Variants in CCSER1 observed in about 807,000 individuals in gnomAD.
CCSER1 encodes coiled-coil serine rich protein 1, also known as serine-rich coiled-coil domain-containing protein 1.
A neutral mutation model predicts 82.0 loss-of-function variants in CCSER1; 41 were observed. The ratio of observed to expected loss-of-function variants is 0.50; its 90% CI spans 0.39 to 0.65. The LOEUF (loss-of-function observed/expected upper bound fraction) is 0.65, where lower values mean the gene tolerates loss of function less well. Among genes scored for constraint, CCSER1 ranks in the 30% least tolerant of loss-of-function variants. The pLI is 0.00. For missense variants in CCSER1, 1,119 were observed against 1,064.2 expected, an observed-to-expected ratio of 1.05 and a Z score of -0.72; for synonymous variants, 414 against 383.9, an observed-to-expected ratio of 1.08 and a Z score of -0.92.
chr4:91,304,025 T>G (rs958765647), intron 10 of CCSER1, among the ~76,000 whole-genome samples: 1 of 152,010 alleles, frequency 6.6e-6, no homozygotes, highest in Non-Finnish European at 1.5e-5. Context: ...AAATGTTCCC[T>G]TATAAATATT....
intron 10 of CCSER1, among the ~76,000 whole-genome samples, chr4:91,426,801 A>T (rs1224858519): frequency 6.6e-6 from 1 of 152,166 alleles, no homozygotes; most frequent in Non-Finnish European, 1.5e-5. Context: ...CAGACTTTAA[A>T]TTTATATAAA....
At chr4:90,547,176 T>C (rs944543590) in intron 5 of CCSER1, among the ~76,000 whole-genome samples, 1 of 126,770 alleles carries the variant, frequency 7.9e-6, no homozygotes, top group East Asian at 2.2e-4. Context: ...TTTGGAGTGA[T>C]AGTTTGTTGA....
chr4:91,187,235 C>T (rs573464056), intron 10 of CCSER1, among the ~76,000 whole-genome samples: 15 of 152,228 alleles, frequency 9.9e-5, no homozygotes, highest in Admixed American at 7.8e-4. Context: ...TTCTGCGTTG[C>T]TCACACTGGA....
At chr4:91,185,205 C>A (rs1734410909) in intron 10 of CCSER1, among the ~76,000 whole-genome samples, 1 of 152,142 alleles carries the variant, frequency 6.6e-6, no homozygotes, top group Admixed American at 6.5e-5. Flanking sequence ...TTTATTTGTG[C>A]TTCCAAATCC....
chr4:91,262,785 A>G (rs1485307691), intron 10 of CCSER1, among the ~76,000 whole-genome samples: 1 of 152,018 alleles, frequency 6.6e-6, no homozygotes, highest in Non-Finnish European at 1.5e-5. Context: ...GTATAATCTA[A>G]CTCAACATTA....
intron 10 of CCSER1, among the ~76,000 whole-genome samples, chr4:91,179,517 C>T (rs925373368): frequency 1.9e-4 from 29 of 152,250 alleles, no homozygotes; most frequent in African/African-American, 6.7e-4. Flanking sequence ...ACTGTTTTTT[C>T]TCTAAACTTC....
chr4:90,180,161 T>C (rs377255317), intron 1 of CCSER1, among the ~76,000 whole-genome samples: 1 of 150,600 alleles, frequency 6.6e-6, no homozygotes, highest in Non-Finnish European at 1.5e-5. Context: ...TTTGCTTTTG[T>C]TATGTTTAGT....
intron 3 of CCSER1, among the ~76,000 whole-genome samples, chr4:90,384,335 A>G (rs1749685330): frequency 7.7e-6 from 1 of 129,602 alleles, no homozygotes; most frequent in Admixed American, 9.3e-5. Context: ...GGAAACCATC[A>G]TTCTCAGCAA....
chr4:91,100,213 T>C (rs1389876822), intron 10 of CCSER1, among the ~76,000 whole-genome samples: 1 of 152,032 alleles, frequency 6.6e-6, no homozygotes, highest in African/African-American at 2.4e-5. Context: ...AGTTTGGTCC[T>C]CATTATAAAT....
intron 7 of CCSER1, among the ~76,000 whole-genome samples, chr4:90,725,542 C>T (rs972614099): frequency 3.3e-5 from 5 of 151,254 alleles, no homozygotes; most frequent in Admixed American, 3.3e-4. Flanking sequence ...TATATCTTTT[C>T]AAAATATTTA....
intron 10 of CCSER1, among the ~76,000 whole-genome samples, chr4:91,363,821 AC>A (rs906653002): frequency 2.6e-5 from 4 of 151,486 alleles, no homozygotes; most frequent in Non-Finnish European, 4.4e-5. Context: ...TTCAGAAACA[AC>A]CCTTTTTCAT....
chr4:91,266,228 T>G (rs1391407346), intron 10 of CCSER1, among the ~76,000 whole-genome samples: 2 of 151,746 alleles, frequency 1.3e-5, no homozygotes, highest in Non-Finnish European at 2.9e-5. Context: ...TAACTTAAGC[T>G]GGTTGTTTTT....
At chr4:90,898,444 AT>A (rs538250886) in intron 8 of CCSER1, among the ~76,000 whole-genome samples, 13,799 of 138,696 alleles carry the variant, frequency 0.099, 661 homozygotes, top group Admixed American at 0.12. Context: ...TGCCTGGCTA[AT>A]TTTTTTTTTT....
chr4:91,016,812 A>T (rs552629030), intron 9 of CCSER1, among the ~76,000 whole-genome samples: 82 of 152,130 alleles, frequency 5.4e-4, no homozygotes, highest in Non-Finnish European at 1.1e-3. Context: ...TGGTGTTAGA[A>T]AGATTTGTAG....
chr4:90,608,951 A>AT (rs1325213190), intron 5 of CCSER1, among the ~76,000 whole-genome samples: 5 of 151,734 alleles, frequency 3.3e-5, no homozygotes, highest in African/African-American at 9.7e-5. Flanking sequence ...GATTTTGTTG[A>AT]TTTTTTCTCT....
intron 3 of CCSER1, among the ~76,000 whole-genome samples, chr4:90,351,602 A>T (rs7695023): frequency 6.6e-6 from 1 of 152,010 alleles, no homozygotes; most frequent in African/African-American, 2.4e-5. Flanking sequence ...GTTCAACAAT[A>T]GTGTAAAAAA....
chr4:90,156,877 A>C (rs1209481816), intron 1 of CCSER1, among the ~76,000 whole-genome samples: 3 of 152,320 alleles, frequency 2.0e-5, no homozygotes, highest in African/African-American at 7.2e-5. Context: ...AGTTACATTT[A>C]AAGTTAATAT....
chr4:90,354,533 A>G (rs988366095), intron 3 of CCSER1, among the ~76,000 whole-genome samples: 1 of 152,236 alleles, frequency 6.6e-6, no homozygotes, highest in Non-Finnish European at 1.5e-5. Flanking sequence ...CTGTGTGATC[A>G]ACTTGATTAT....
chr4:91,002,643 C>A (rs192000463), intron 9 of CCSER1, among the ~76,000 whole-genome samples: 3 of 150,888 alleles, frequency 2.0e-5, no homozygotes, highest in Non-Finnish European at 4.4e-5. Flanking sequence ...ATATTTTTCC[C>A]TTCGCTTCTT....
Sources: gnomAD v4.1 joint callset for allele counts (sites outside exome capture counted in the v4.1 genomes callset) on GRCh38, gnomAD v4.1.1 for gene constraint, MANE v1.5 for transcripts, NCBI Gene and HGNC (gene_info 2026-07-23, HGNC 2026-07-21) for gene names.